The following GPATCH1 variants were observed in gnomAD, a reference collection of about 807,000 sequenced individuals.
GPATCH1 encodes G-patch domain containing 1, also known as G patch domain-containing protein 1.
GPATCH1 carries 73 observed loss-of-function variants against 114.9 expected under a neutral mutation model. That is an observed-to-expected ratio of 0.64 (90% confidence interval 0.53 to 0.77). The LOEUF (loss-of-function observed/expected upper bound fraction) is 0.77. Ranked by LOEUF, GPATCH1 falls within the 30% of genes least tolerant of loss-of-function variation. The probability of loss-of-function intolerance (pLI) is 0.00; values close to 1 mark genes in which losing one functional copy is unlikely to be tolerated. For synonymous variants in GPATCH1, 391 were observed against 428.4 expected, an observed-to-expected ratio of 0.91 and a Z score of 1.08; for missense variants, 1,058 against 1,144.3, an observed-to-expected ratio of 0.92 and a Z score of 1.09.
chr19:33,085,328 C>T (rs1466880158), intron 1 of GPATCH1, among the ~76,000 whole-genome samples: 1 of 151,982 alleles, frequency 6.6e-6, no homozygotes, highest in East Asian at 1.9e-4. Context: ...CCTCCCAGCT[C>T]AGCACCCCCC....
At chr19:33,090,928 C>T in intron 3 of GPATCH1, 63 bp downstream of exon 3, 1 of 940,716 alleles carries the variant, frequency 1.1e-6, no homozygotes, top group Non-Finnish European at 1.7e-6. Flanking sequence ...GTTGCTGTAA[C>T]TGCCTTCTCT....
At chr19:33,112,369 T>A (rs1208702018) in intron 12 of GPATCH1, 117 bp from the exon 13 acceptor site, 1 of 1,135,910 alleles carries the variant, frequency 8.8e-7, no homozygotes, top group Non-Finnish European at 1.3e-6. Flanking sequence ...GGAGCATAAA[T>A]GTTATAGCAC....
chr19:33,092,443 T>C (rs942404079), intron 3 of GPATCH1, among the ~76,000 whole-genome samples: 2 of 152,114 alleles, frequency 1.3e-5, no homozygotes, highest in Non-Finnish European at 2.9e-5. Flanking sequence ...ACATGCCCAT[T>C]CCTAACGCAG....
At chr19:33,128,772 G>A (rs1281307617) in intron 19 of GPATCH1, among the ~76,000 whole-genome samples, 1 of 152,192 alleles carries the variant, frequency 6.6e-6, no homozygotes, top group Non-Finnish European at 1.5e-5. Context: ...GTAGGCAGCA[G>A]TGAGGGGCTT....
At chr19:33,115,225 ATTTTTTTTTTTTTT>A (rs71176196) in intron 15 of GPATCH1, among the ~76,000 whole-genome samples, 2,144 of 56,988 alleles carry the variant, frequency 0.038, 87 homozygotes, top group African/African-American at 0.16. Context: ...TGCCTGGCTA[ATTTTTTTTTTTTTT>A]TTTTTTTTTT....
At chr19:33,092,356 T>C (rs1972606038) in intron 3 of GPATCH1, among the ~76,000 whole-genome samples, 1 of 152,092 alleles carries the variant, frequency 6.6e-6, no homozygotes, top group African/African-American at 2.4e-5. Flanking sequence ...CGGCAGTCTC[T>C]TTTCTTAAAA....
chr19:33,097,868 C>T lies in GPATCH1; in HGVS notation c.966C>T (p.Gly322=), dbSNP rs1972680590. 1 of 1,614,082 alleles carries T rather than the reference C, an allele frequency of 6.2e-7. No individual in the cohort carries two copies. The highest frequency in any genetic ancestry group is 2.2e-5 in the East Asian group (1 of 44,882). ...KDEEPGDGLY[G]WTAPRQYKNQ... is the part of the protein sequence containing the mutation. The stretch of plus-strand genomic sequence containing the variant: ...AGGAGCCTGGAGACGGACTCTATGG[C>T]TGGACAGCACCCAGGCAGTATAAAA... The change falls in exon 8 of 20, where the codon GGC becomes GGT. Residue 322 remains glycine, a synonymous_variant. Transcript: ENST00000170564.
At position 33,097,835 on chromosome 19, in the gene GPATCH1, G is replaced by A. The variant is rs1972679885; in HGVS notation, c.933G>A (p.Leu311=). ...TETLSKYDTV[L]KDEEPGDGLY... is the part of the protein sequence containing the mutation. The stretch of plus-strand genomic sequence containing the variant: ...CTCTATCCAAGTATGACACTGTTCT[G>A]AAGGACGAGGAGCCTGGAGACGGAC... The change falls in exon 8 of 20, where the codon CTG becomes CTA. Residue 311 remains leucine (L), a synonymous_variant. Coordinates refer to ENST00000170564, the MANE Select transcript of GPATCH1 (RefSeq NM_018025.3). 6.2e-7 allele frequency: 1 copy of A among 1,613,970 alleles called. No individual in the cohort carries two copies. The highest frequency in any genetic ancestry group is 2.2e-5 in the East Asian group (1 of 44,868).
chr19:33,088,350 T>C, intron 2 of GPATCH1, 82 bp downstream of exon 2: 1 of 1,099,728 alleles, frequency 9.1e-7, no homozygotes, highest in East Asian at 2.6e-5. Flanking sequence ...TGCTTTTTTT[T>C]TTTTTAATTT....
At chr19:33,095,657 C>T (rs1255717187) in intron 5 of GPATCH1, 105 bp from the exon 6 acceptor site, 2 of 785,474 alleles carry the variant, frequency 2.5e-6, no homozygotes, top group Non-Finnish European at 4.6e-6. Flanking sequence ...TCACCTCAGC[C>T]TCCCAGAGTG....
At chr19:33,117,248 C>T (rs1972926513) in intron 15 of GPATCH1, among the ~76,000 whole-genome samples, 1 of 152,112 alleles carries the variant, frequency 6.6e-6, no homozygotes, top group African/African-American at 2.4e-5. Flanking sequence ...TGTGATTTTT[C>T]TCCTAGCTGC....
chr19:33,095,860 G>T, intron 6 of GPATCH1, 40 bp downstream of exon 6: 7 of 1,388,230 alleles, frequency 5.0e-6, no homozygotes, highest in Non-Finnish European at 7.2e-6. Context: ...TGGTACAACA[G>T]CACCTGTTTC....
At chr19:33,103,168 A>G (rs1477836383) in intron 9 of GPATCH1, among the ~76,000 whole-genome samples, 2 of 152,162 alleles carry the variant, frequency 1.3e-5, no homozygotes, top group South Asian at 4.1e-4. Flanking sequence ...TCACGCTTTA[A>G]TCAGCTTTTT....
At chr19:33,119,512 A>G (rs892804600) in intron 17 of GPATCH1, among the ~76,000 whole-genome samples, 2 of 150,646 alleles carry the variant, frequency 1.3e-5, no homozygotes, top group Non-Finnish European at 2.9e-5. Flanking sequence ...ATTCTGGCCA[A>G]CATAGTGAAA....
intron 1 of GPATCH1, among the ~76,000 whole-genome samples, chr19:33,086,665 A>G (rs1972537360): frequency 6.6e-6 from 1 of 152,130 alleles, no homozygotes; most frequent in African/African-American, 2.4e-5. Flanking sequence ...CCTGTTGGCC[A>G]GGCTGTTCTC....
At chr19:33,108,767 G>C (rs1972816112) in intron 10 of GPATCH1, among the ~76,000 whole-genome samples, 1 of 152,130 alleles carries the variant, frequency 6.6e-6, no homozygotes, top group Admixed American at 6.6e-5. Context: ...ATGAGTGTTT[G>C]TCCCATTGGT....
At chr19:33,105,687 C>T (rs922427874) in intron 9 of GPATCH1, among the ~76,000 whole-genome samples, 1 of 151,494 alleles carries the variant, frequency 6.6e-6, no homozygotes, top group South Asian at 2.1e-4. Context: ...CCACACCTGG[C>T]TAATTTTTGT....
chr19:33,083,146 A>C lies in GPATCH1; in HGVS notation c.73+1880A>C, dbSNP rs1395283408. Among the ~76,000 whole-genome samples the C allele has an allele frequency of 5.5e-5, 8 of 144,938 alleles. No homozygotes were observed. The East Asian group carries it at 1.8e-3, about 32-fold the overall frequency. The stretch of plus-strand genomic sequence containing the variant: ...GTAGTCCCAGCTACTCGGGAGGCTG[A>C]GGCGGGAGAATGGCGTGAGACTGGG... On this transcript the variant is annotated intron_variant, in intron 1 of 19. Coordinates refer to ENST00000170564, the MANE Select transcript of GPATCH1 (RefSeq NM_018025.3).
chr19:33,111,284 T>C (rs1457076967), intron 11 of GPATCH1, among the ~76,000 whole-genome samples: 1 of 149,822 alleles, frequency 6.7e-6, no homozygotes, highest in East Asian at 2.0e-4. Flanking sequence ...CTCGGGAGAC[T>C]GAGGCAGGAG....
Sources: gnomAD v4.1 joint callset for allele counts (sites outside exome capture counted in the v4.1 genomes callset) on GRCh38, gnomAD v4.1.1 for gene constraint, MANE v1.5 for transcripts, NCBI Gene and HGNC (gene_info 2026-07-23, HGNC 2026-07-21) for gene names.